Variants in PNLIPRP3 observed in about 807,000 individuals in gnomAD.
The protein encoded by PNLIPRP3 is pancreatic lipase-related protein 3.
PNLIPRP3 carries 58 observed loss-of-function variants against 52.8 expected under a neutral mutation model. That is an observed-to-expected ratio of 1.10 (90% CI 0.89 to 1.37). PNLIPRP3 has a LOEUF of 1.37. Ranked by LOEUF, PNLIPRP3 falls within the 40% of genes most tolerant of loss-of-function variation. The pLI is 0.00. For missense variants in PNLIPRP3, 593 were observed against 561.6 expected (o/e 1.06, Z -0.57); for synonymous variants, 192 against 185.0 (o/e 1.04, Z -0.31).
At chr10:116,436,428 C>T (rs1379007244) in intron 1 of PNLIPRP3, among the ~76,000 whole-genome samples, 1 of 152,094 alleles carries the variant, frequency 6.6e-6, no homozygotes. Context: ...TTGTTGCTGG[C>T]TTTAGCAATG....
At chr10:116,433,445 G>C (rs1373832123) in intron 1 of PNLIPRP3, among the ~76,000 whole-genome samples, 11 of 152,172 alleles carry the variant, frequency 7.2e-5, no homozygotes, top group Admixed American at 3.3e-4. Flanking sequence ...ATGCACAAAA[G>C]GATATTCAAA....
intron 2 of PNLIPRP3, among the ~76,000 whole-genome samples, chr10:116,438,467 T>C (rs1039003834): frequency 2.0e-5 from 3 of 152,202 alleles, no homozygotes; most frequent in African/African-American, 7.2e-5. Flanking sequence ...ATGGTCTGAT[T>C]TGTAGCTCTC....
At chr10:116,440,789 G>A (rs1468787046) in intron 2 of PNLIPRP3, among the ~76,000 whole-genome samples, 2 of 152,186 alleles carry the variant, frequency 1.3e-5, no homozygotes, top group African/African-American at 2.4e-5. Flanking sequence ...ACAGTCACTG[G>A]TGGTGATGGA....
chr10:116,433,007 G>A (rs535536112), intron 1 of PNLIPRP3, among the ~76,000 whole-genome samples: 17 of 150,574 alleles, frequency 1.1e-4, no homozygotes, highest in East Asian at 3.9e-4. Flanking sequence ...CCAGCTACGC[G>A]GGAGGCTGAA....
chr10:116,434,069 A>G (rs1845745232), intron 1 of PNLIPRP3, among the ~76,000 whole-genome samples: 1 of 152,228 alleles, frequency 6.6e-6, no homozygotes, highest in Non-Finnish European at 1.5e-5. Context: ...TGTATGACAC[A>G]TAAGGCTAAA....
At chr10:116,453,584 T>C (rs1846070015) in intron 4 of PNLIPRP3, among the ~76,000 whole-genome samples, 1 of 152,044 alleles carries the variant, frequency 6.6e-6, no homozygotes, top group Admixed American at 6.5e-5. Context: ...GGGATGAATC[T>C]CTCATGAATG....
chr10:116,476,462 C>A (rs547857045), intron 10 of PNLIPRP3, among the ~76,000 whole-genome samples, 190 bp from the exon 11 acceptor site: 9 of 152,264 alleles, frequency 5.9e-5, no homozygotes, highest in African/African-American at 1.9e-4. Flanking sequence ...ATTTACTTCA[C>A]CCTTCTTTCA....
In PNLIPRP3 at chr10:116,460,433, G is replaced by A. The variant is rs113926044; in HGVS notation, c.566-533G>A. 2.8e-3 allele frequency among the ~76,000 whole-genome samples: 430 copies of A among 152,306 alleles called. 3 individuals carry two copies. Among genetic ancestry groups the A allele is most frequent in the African/African-American group, 1.0e-2 (415 of 41,576 alleles). On this transcript the variant is annotated intron_variant, in intron 5 of 11. Transcript: ENST00000369230. ...TCTGGACACCTGGCCTCTTAGTCCA[G>A]TTTGCCTCTAACACATGATAACCTT...
intron 8 of PNLIPRP3, among the ~76,000 whole-genome samples, chr10:116,468,157 C>T (rs1335741766): frequency 7.4e-6 from 1 of 135,192 alleles, no homozygotes; most frequent in Non-Finnish European, 1.6e-5. Context: ...AAAAAAGCAA[C>T]GTCTACCAAC....
chr10:116,441,225 C>T (rs1490079829), intron 2 of PNLIPRP3, among the ~76,000 whole-genome samples: 5 of 152,106 alleles, frequency 3.3e-5, no homozygotes, highest in African/African-American at 1.2e-4. Context: ...TGATGTCAGA[C>T]AAGATCACCC....
At chr10:116,474,141 G>A (rs112980458) in intron 10 of PNLIPRP3, among the ~76,000 whole-genome samples, 10,947 of 151,856 alleles carry the variant, frequency 0.072, 522 homozygotes, top group South Asian at 0.17. Flanking sequence ...AAATAAGGCC[G>A]CATACCTATA....
chr10:116,448,698 TTTTG>T (rs1845991661), intron 4 of PNLIPRP3, among the ~76,000 whole-genome samples: 1 of 150,952 alleles, frequency 6.6e-6, no homozygotes, highest in South Asian at 2.1e-4. Context: ...AGGTGTTTTG[TTTTG>T]TTTTGTTTTG....
At chr10:116,467,827 T>A (rs955147898) in intron 8 of PNLIPRP3, among the ~76,000 whole-genome samples, 5 of 152,128 alleles carry the variant, frequency 3.3e-5, no homozygotes, top group African/African-American at 9.7e-5. Context: ...CCAGTTTTTG[T>A]TATTAAAAGT....
At chr10:116,437,356 C>T (rs769040027) in intron 2 of PNLIPRP3, among the ~76,000 whole-genome samples, 3 of 152,068 alleles carry the variant, frequency 2.0e-5, no homozygotes, top group Non-Finnish European at 2.9e-5. Context: ...AACCAGGTAA[C>T]ATTTTGAGGA....
intron 1 of PNLIPRP3, among the ~76,000 whole-genome samples, chr10:116,430,621 G>A (rs1215859763): frequency 6.6e-6 from 1 of 152,072 alleles, no homozygotes; most frequent in Non-Finnish European, 1.5e-5. Flanking sequence ...TGGATAAGAA[G>A]GGAATTGAGG....
intron 8 of PNLIPRP3, 79 bp downstream of exon 8, chr10:116,466,247 T>C: frequency 9.4e-7 from 1 of 1,064,066 alleles, no homozygotes; most frequent in Non-Finnish European, 1.4e-6. Context: ...CATTAGGGCT[T>C]TGTGTAGGTA....
intron 9 of PNLIPRP3, among the ~76,000 whole-genome samples, chr10:116,470,221 G>A (rs1214624241): frequency 1.3e-5 from 2 of 152,094 alleles, no homozygotes; most frequent in South Asian, 2.1e-4. Flanking sequence ...TGTGCACCAT[G>A]AGGCAGGTAG....
At chr10:116,431,797 G>T (rs1845712565) in intron 1 of PNLIPRP3, among the ~76,000 whole-genome samples, 1 of 152,086 alleles carries the variant, frequency 6.6e-6, no homozygotes, top group Non-Finnish European at 1.5e-5. Flanking sequence ...CTGGGCCCTA[G>T]TCCCGGTGCC....
At chr10:116,456,620 C>T (rs576559092) in intron 5 of PNLIPRP3, among the ~76,000 whole-genome samples, 8 of 152,260 alleles carry the variant, frequency 5.3e-5, no homozygotes, top group South Asian at 2.1e-4. Flanking sequence ...AAATAAGTTG[C>T]GGAGCAAAGT....
Sources: gnomAD v4.1 joint callset for allele counts (sites outside exome capture counted in the v4.1 genomes callset) on GRCh38, gnomAD v4.1.1 for gene constraint, MANE v1.5 for transcripts, NCBI Gene and HGNC (gene_info 2026-07-23, HGNC 2026-07-21) for gene names.